Variants in BLNK observed in about 807,000 individuals in gnomAD.
BLNK encodes B-cell linker protein.
Under a neutral mutation model 73.5 loss-of-function variants are expected in BLNK, and 29 were observed. That is an observed-to-expected ratio of 0.39 (90% confidence interval 0.29 to 0.54). The LOEUF (loss-of-function observed/expected upper bound fraction) is 0.54. Ranked by LOEUF, BLNK falls within the 20% of genes least tolerant of loss-of-function variation. BLNK has a pLI of 0.61. For missense variants in BLNK, 460 were observed against 562.8 expected (o/e 0.82, Z 1.85); for synonymous variants, 176 against 200.8 (o/e 0.88, Z 1.04).
At chr10:96,259,183 C>T (rs1167736187) in intron 1 of BLNK, among the ~76,000 whole-genome samples, 2 of 152,206 alleles carry the variant, frequency 1.3e-5, no homozygotes, top group Non-Finnish European at 2.9e-5. Flanking sequence ...CTCTCTGTCC[C>T]TGGAGACAGC....
chr10:96,227,291 G>A lies in BLNK; in HGVS notation c.361+119C>T, dbSNP rs886365363. On this transcript the variant is annotated intron_variant, in intron 5 of 16. Coordinates refer to ENST00000224337, the MANE Select transcript of BLNK (RefSeq NM_013314.4). Reference sequence around the variant, plus strand: ...TCCCCTGCTTGGAGGTGGCGGGAGCGGGCGGCTGGCAGAGGCCCTCAAGCA... The same window carrying A: ...TCCCCTGCTTGGAGGTGGCGGGAGCAGGCGGCTGGCAGAGGCCCTCAAGCA... The A allele has an allele frequency of 3.1e-5, 42 of 1,342,050 alleles. No homozygotes were observed. The Admixed American group carries it at 6.5e-4, about 21-fold the overall frequency. The allele number at this position is 1,342,050 out of a possible 1,614,324, so 83.1% of individuals were successfully genotyped here.
intron 1 of BLNK, among the ~76,000 whole-genome samples, chr10:96,257,684 T>G (rs114432172): frequency 0.027 from 4,062 of 152,340 alleles, 153 homozygotes; most frequent in African/African-American, 0.09. Context: ...CCCCTTAAAA[T>G]TTAATGTCAT....
chr10:96,224,141 G>A (rs989420948), intron 5 of BLNK, 152 bp from the exon 6 acceptor site: 1 of 894,814 alleles, frequency 1.1e-6, no homozygotes, highest in Non-Finnish European at 1.7e-6. Context: ...AAAGTGAAAT[G>A]TTAGGCCCAA....
At chr10:96,226,605 C>T (rs1554902524) in intron 5 of BLNK, among the ~76,000 whole-genome samples, 1 of 152,122 alleles carries the variant, frequency 6.6e-6, no homozygotes, top group Non-Finnish European at 1.5e-5. Context: ...CTTTGGGAGG[C>T]CGAGGCGGTT....
intron 3 of BLNK, among the ~76,000 whole-genome samples, chr10:96,240,120 A>G (rs1554905874): frequency 6.6e-6 from 1 of 152,168 alleles, no homozygotes; most frequent in Non-Finnish European, 1.5e-5. Flanking sequence ...CTTCCCTCAC[A>G]GCAGGTACCA....
intron 5 of BLNK, among the ~76,000 whole-genome samples, chr10:96,225,430 A>G (rs377266175): frequency 6.6e-6 from 1 of 152,060 alleles, no homozygotes; most frequent in African/African-American, 2.4e-5. Context: ...GTATGTGGTT[A>G]ACTTCACCTC....
In BLNK at chr10:96,231,138, G is replaced by A. The variant is rs587714084; in HGVS notation, c.164-304C>T. Among the ~76,000 whole-genome samples, 5 of 152,282 alleles carry A rather than the reference G, an allele frequency of 3.3e-5. No individual in the cohort carries two copies. The South Asian group carries it at 6.2e-4, about 19-fold the overall frequency. On this transcript the variant is annotated intron_variant, in intron 3 of 16. Coordinates refer to ENST00000224337, the MANE Select transcript of BLNK (RefSeq NM_013314.4). ...AGAGACCTACAATTCATACTATGTG[G>A]CTTCTAAGGACTTCAGAGGATGGCG...
intron 1 of BLNK, among the ~76,000 whole-genome samples, chr10:96,259,670 C>CTTTTTTTTTTTTTTTTTTT (rs57821919): frequency 4.5e-5 from 2 of 44,870 alleles, no homozygotes; most frequent in African/African-American, 9.7e-5. Context: ...CACACCCTAC[C>CTTTTTTTTTTTTTTTTTTT]TTTTTTTTTT....
intron 1 of BLNK, among the ~76,000 whole-genome samples, chr10:96,256,880 C>CAA (rs1295010912): frequency 0.063 from 6,445 of 102,582 alleles, 481 homozygotes; most frequent in African/African-American, 0.09. Context: ...GACTCCATCT[C>CAA]AAAAAAAAAA....
At chr10:96,233,137 C>T (rs996348517) in intron 3 of BLNK, among the ~76,000 whole-genome samples, 5 of 152,156 alleles carry the variant, frequency 3.3e-5, no homozygotes, top group Non-Finnish European at 5.9e-5. Flanking sequence ...GTCTGGGGAT[C>T]ACTGAAGATC....
chr10:96,228,490 C>A (rs1554903241), intron 4 of BLNK, among the ~76,000 whole-genome samples: 1 of 152,192 alleles, frequency 6.6e-6, no homozygotes, highest in Non-Finnish European at 1.5e-5. Flanking sequence ...CTCCTGACCT[C>A]AGGTGATCTG....
chr10:96,227,690 A>C, intron 4 of BLNK, 124 bp from the exon 5 acceptor site: 2 of 1,473,132 alleles, frequency 1.4e-6, no homozygotes. Flanking sequence ...GGTTGACTTC[A>C]AAAGGCTAGG....
At position 96,266,740 on chromosome 10, in the gene BLNK, C is replaced by A. The variant is rs114048299; in HGVS notation, c.47+4612G>T. On this transcript the variant is annotated intron_variant, in intron 1 of 16. Coordinates refer to ENST00000224337, the MANE Select transcript of BLNK (RefSeq NM_013314.4). ...CCACCACTAGATGCTGTGCCTCCTG[C>A]CTGCAGCTCCCCTGAAGTTTGCCAC... Among the ~76,000 whole-genome samples the A allele has an allele frequency of 9.9e-3, 1,502 of 152,316 alleles. 30 individuals carry two copies. The highest frequency in any genetic ancestry group is 0.035 in the African/African-American group (1,448 of 41,544).
intron 3 of BLNK, among the ~76,000 whole-genome samples, chr10:96,238,453 C>T (rs10882757): frequency 0.71 from 107,964 of 152,100 alleles, 40,174 homozygotes; most frequent in Non-Finnish European, 0.82. Context: ...AAGTGCTCCA[C>T]AGGGCACGTG....
Position 96,192,064 on chromosome 10 carries a change from C to A in BLNK, c.1280G>T (p.Arg427Met), listed in dbSNP as rs781943787. 1.2e-6 allele frequency: 2 copies of A among 1,613,590 alleles called. No homozygotes were observed. The highest frequency in any genetic ancestry group is 1.7e-6 in the Non-Finnish European group (2 of 1,179,738). The change falls in exon 17 of 17, where the codon AGG becomes ATG. Residue 427 changes from arginine (R) to methionine (M), a missense_variant. Around this residue, in one of 3 missense-constraint regions of BLNK, gnomAD observed 88 missense variants for 143.4 expected, o/e 0.61. Coordinates refer to ENST00000224337, the MANE Select transcript of BLNK (RefSeq NM_013314.4). ...AACCAAAGGACTATGTTGATGATTC[C>A]TGATGATTTCAGCAACACTTCCAAA... ...EYFGSVAEIIRNHQHSPLVLI... is the reference protein window; with the variant it reads ...EYFGSVAEIIMNHQHSPLVLI...
At chr10:96,267,571 C>T (rs1199687249) in intron 1 of BLNK, among the ~76,000 whole-genome samples, 1 of 152,170 alleles carries the variant, frequency 6.6e-6, no homozygotes, top group African/African-American at 2.4e-5. Context: ...GTCTCAGAAT[C>T]CATTAGAAAA....
At chr10:96,250,551 G>A (rs1843243248) in intron 1 of BLNK, among the ~76,000 whole-genome samples, 1 of 152,256 alleles carries the variant, frequency 6.6e-6, no homozygotes, top group African/African-American at 2.4e-5. Context: ...TAACTGAATG[G>A]AGTATCTTTA....
intron 2 of BLNK, among the ~76,000 whole-genome samples, chr10:96,245,257 A>C (rs111925661): frequency 0.029 from 4,427 of 152,306 alleles, 89 homozygotes; most frequent in Non-Finnish European, 0.042. Flanking sequence ...ATTAAAACGA[A>C]TAAGGATGCT....
At chr10:96,217,117 G>A (rs1164211784) in intron 6 of BLNK, among the ~76,000 whole-genome samples, 1 of 152,074 alleles carries the variant, frequency 6.6e-6, no homozygotes, top group Non-Finnish European at 1.5e-5. Flanking sequence ...ATGTTTTCAA[G>A]GTTTTCCTGT....
Sources: allele counts gnomAD v4.1 joint callset (sites outside exome capture counted in the v4.1 genomes callset), GRCh38; gene constraint gnomAD v4.1.1; regional missense constraint gnomAD v4.1.1; transcripts MANE v1.5; gene names NCBI Gene and HGNC (gene_info 2026-07-23, HGNC 2026-07-21).